The following CADM1 variants were observed in gnomAD, a reference collection of about 807,000 sequenced individuals.
CADM1 encodes the protein TSLC-1.
A neutral mutation model predicts 53.1 loss-of-function variants in CADM1; 15 were observed. That is an observed-to-expected ratio of 0.28 (90% CI 0.19 to 0.44). The LOEUF (loss-of-function observed/expected upper bound fraction) is 0.44. CADM1 is among the 20% of genes least tolerant of loss of function. The pLI, the probability that CADM1 is intolerant of heterozygous loss-of-function variation, is 1.00. For missense variants in CADM1, 434 were observed against 611.3 expected (o/e 0.71, Z 3.06); for synonymous variants, 281 against 243.0 (o/e 1.16, Z -1.45).
At chr11:115,349,831 T>C (rs1358175747) in intron 1 of CADM1, among the ~76,000 whole-genome samples, 2 of 152,184 alleles carry the variant, frequency 1.3e-5, no homozygotes, top group Non-Finnish European at 2.9e-5. Context: ...TAATGACTCA[T>C]ATTTTGTTCA....
chr11:115,310,666 T>C (rs1175746418), intron 1 of CADM1, among the ~76,000 whole-genome samples: 1 of 152,174 alleles, frequency 6.6e-6, no homozygotes, highest in Non-Finnish European at 1.5e-5. Flanking sequence ...TGGAGGCCTT[T>C]CTGGTTTACT....
intron 1 of CADM1, among the ~76,000 whole-genome samples, chr11:115,312,504 T>C (rs1944558171): frequency 6.6e-6 from 1 of 152,084 alleles, no homozygotes; most frequent in Admixed American, 6.6e-5. Flanking sequence ...TAGTAAATCA[T>C]ACTCAGGAAA....
intron 5 of CADM1, among the ~76,000 whole-genome samples, chr11:115,225,295 T>C (rs1240785815): frequency 2.8e-5 from 4 of 140,468 alleles, no homozygotes; most frequent in Admixed American, 7.2e-5. Context: ...GTGGTGCCTT[T>C]CATATTTATA....
chr11:115,216,072 C>G (rs576748338), intron 6 of CADM1, among the ~76,000 whole-genome samples: 1 of 152,206 alleles, frequency 6.6e-6, no homozygotes, highest in African/African-American at 2.4e-5. Flanking sequence ...GGCAATCAGA[C>G]GTAATGTCCT....
intron 9 of CADM1, among the ~76,000 whole-genome samples, chr11:115,195,945 A>G (rs149764314): frequency 6.6e-6 from 1 of 152,348 alleles, no homozygotes; most frequent in East Asian, 1.9e-4. Flanking sequence ...GGATCAGCCT[A>G]GATTATCTAT....
chr11:115,322,844 T>C (rs949912739), intron 1 of CADM1, among the ~76,000 whole-genome samples: 1 of 152,194 alleles, frequency 6.6e-6, no homozygotes, highest in Non-Finnish European at 1.5e-5. Flanking sequence ...TTTTTGATTA[T>C]GAATCATCCC....
intron 1 of CADM1, among the ~76,000 whole-genome samples, chr11:115,350,191 G>T (rs948251900): frequency 6.6e-6 from 1 of 152,052 alleles, no homozygotes; most frequent in African/African-American, 2.4e-5. Context: ...GGCTGGTCTC[G>T]AACTCCCAAC....
intron 1 of CADM1, among the ~76,000 whole-genome samples, chr11:115,327,520 G>T (rs1944990419): frequency 1.3e-5 from 2 of 150,240 alleles, no homozygotes; most frequent in South Asian, 2.1e-4. Context: ...ATACATAAGA[G>T]TTTTTTTTTT....
chr11:115,399,821 C>T (rs1461813512), intron 1 of CADM1, among the ~76,000 whole-genome samples: 1 of 218 alleles, frequency 4.6e-3, no homozygotes, highest in South Asian at 0.17. Context: ...ATATAGAAAC[C>T]CTCTTTCACA....
intron 8 of CADM1, among the ~76,000 whole-genome samples, chr11:115,203,279 T>G (rs897323270): frequency 6.6e-6 from 1 of 152,192 alleles, no homozygotes; most frequent in African/African-American, 2.4e-5. Flanking sequence ...ATCTGTATAG[T>G]GGTTTCATTT....
At chr11:115,280,038 A>G (rs1392933980) in intron 1 of CADM1, among the ~76,000 whole-genome samples, 1 of 152,206 alleles carries the variant, frequency 6.6e-6, no homozygotes, top group Non-Finnish European at 1.5e-5. Context: ...AAGCCACTGG[A>G]TTTAATCCAG....
chr11:115,471,429 G>A (rs1949008719), intron 1 of CADM1, among the ~76,000 whole-genome samples: 1 of 152,212 alleles, frequency 6.6e-6, no homozygotes, highest in Non-Finnish European at 1.5e-5. Flanking sequence ...CTAAGAAAAG[G>A]AGATGCAGGT....
At chr11:115,194,024 GA>G (rs1455981010) in intron 9 of CADM1, 1 of 152,212 alleles carries the variant, frequency 6.6e-6, no homozygotes, top group Non-Finnish European at 1.5e-5. Flanking sequence ...CACGCCGTTA[GA>G]CAGTAGCACA....
chr11:115,346,503 G>A (rs1466723853), intron 1 of CADM1, among the ~76,000 whole-genome samples: 2 of 152,036 alleles, frequency 1.3e-5, no homozygotes, highest in Non-Finnish European at 2.9e-5. Context: ...CAAAGTGCTG[G>A]GAATACAGGC....
chr11:115,178,896 CA>C, intron 10 of CADM1, 121 bp from the exon 11 acceptor site: 1 of 1,051,572 alleles, frequency 9.5e-7, no homozygotes, highest in South Asian at 1.3e-5. Context: ...TCACAGAGAA[CA>C]ATCGAGATGG....
At chr11:115,323,716 T>C (rs1165360503) in intron 1 of CADM1, among the ~76,000 whole-genome samples, 1 of 152,102 alleles carries the variant, frequency 6.6e-6, no homozygotes, top group Non-Finnish European at 1.5e-5. Context: ...GGTGTTGAAC[T>C]GAGAAAGATA....
chr11:115,200,751 C>G (rs1940387329), intron 8 of CADM1, among the ~76,000 whole-genome samples: 1 of 152,174 alleles, frequency 6.6e-6, no homozygotes, highest in African/African-American at 2.4e-5. Flanking sequence ...GCCTTGGCCT[C>G]CCAAAGTGCT....
At chr11:115,417,199 G>A (rs576510454) in intron 1 of CADM1, among the ~76,000 whole-genome samples, 1 of 152,262 alleles carries the variant, frequency 6.6e-6, no homozygotes, top group Non-Finnish European at 1.5e-5. Context: ...TCATTAAACT[G>A]TTATATCACC....
At chr11:115,376,278 A>G (rs1228334254) in intron 1 of CADM1, among the ~76,000 whole-genome samples, 1 of 152,196 alleles carries the variant, frequency 6.6e-6, no homozygotes, top group Admixed American at 6.5e-5. Flanking sequence ...TGCCTGGCAA[A>G]CAATACCTGC....
Sources: allele counts gnomAD v4.1 joint callset (sites outside exome capture counted in the v4.1 genomes callset), GRCh38; gene constraint gnomAD v4.1.1; transcripts MANE v1.5; gene names NCBI Gene and HGNC (gene_info 2026-07-23, HGNC 2026-07-21).